The following PAQR9 variants were observed in gnomAD, a reference collection of about 807,000 sequenced individuals.
The protein encoded by PAQR9 is membrane progestin receptor epsilon.
PAQR9 carries 12 observed loss-of-function variants against 24.0 expected under a neutral mutation model. The observed-to-expected ratio is 0.50, with a 90% CI of 0.32 to 0.81. PAQR9 has a LOEUF of 0.81. Among genes scored for constraint, PAQR9 ranks in the 30% least tolerant of loss-of-function variants. PAQR9 has a pLI of 0.03. For synonymous variants in PAQR9, 266 were observed against 237.6 expected (o/e 1.12, Z -1.10); for missense variants, 418 against 520.8 (o/e 0.80, Z 1.92).
downstream of PAQR9, chr3:142,951,491 C>T (rs1420201293): frequency 2.8e-5 from 9 of 327,070 alleles, no homozygotes; most frequent in Admixed American, 4.4e-5. Flanking sequence ...CATTCCTGAT[C>T]ACCATCCTTT....
At chr3:142,950,282 G>A (rs1429509173), downstream of PAQR9, 2 of 155,648 alleles carry the variant, frequency 1.3e-5, no homozygotes, top group Non-Finnish European at 2.8e-5. Context: ...TGATGTACAG[G>A]GAACAAAAGA....
rs904436355 is a variant in PAQR9, at chr3:142,957,118, C to T, written c.*5085G>A. Among the ~76,000 whole-genome samples the T allele has an allele frequency of 3.3e-5, 5 of 152,118 alleles. No homozygotes were observed. The highest frequency in any genetic ancestry group is 7.4e-5 in the Non-Finnish European group (5 of 68,006). ...GTGCTATCCCGTAATGCCTTTTTGC[C>T]TCTGTCCTAATTTTATGGAAACAAA... is the stretch of plus-strand genomic sequence containing the variant. On this transcript the variant is annotated 3_prime_UTR_variant, in exon 1 of 1. Transcript: ENST00000340634.
rs1278725862 is a variant in PAQR9 at position 142,963,276 on chromosome 3, C to T, written c.61G>A (p.Ala21Thr). The change falls in exon 1 of 1, where the codon GCA becomes ACA. Residue 21 changes from alanine to threonine, a missense_variant. Physicochemically the swap from Ala to Thr is moderately conservative, Grantham distance 58 (BLOSUM62 0). This residue lies in a region of PAQR9 where 180 missense variants were observed against 190.3 expected (regional missense o/e 0.95). Coordinates refer to ENST00000340634, the MANE Select transcript of PAQR9 (RefSeq NM_198504.4). ...GTKGPPAPAP[A>T]ASGAARNSHS... ...GAGTTCCGGGCGGCCCCCGAAGCTG[C>T]CGGGGCCGGGGCCGGAGGGCCTTTT... 2 of 1,483,170 alleles carry T rather than the reference C, an allele frequency of 1.3e-6. No individual in the cohort carries two copies. The highest frequency in any genetic ancestry group is 1.8e-6 in the Non-Finnish European group (2 of 1,120,256). The allele number at this position is 1,483,170 out of a possible 1,614,324, so 91.9% of individuals were successfully genotyped here.
downstream of PAQR9, chr3:142,950,619 T>C: frequency 2.3e-6 from 1 of 429,526 alleles, no homozygotes; most frequent in Non-Finnish European, 4.6e-6. Context: ...AAATAATGTA[T>C]TGAAAGGCTA....
Position 142,955,887 on chromosome 3 carries a change from A to G in PAQR9, c.*6316T>C, listed in dbSNP as rs541084205. Among the ~76,000 whole-genome samples the G allele has an allele frequency of 1.9e-4, 29 of 152,186 alleles. No homozygotes were observed. The highest frequency in any genetic ancestry group is 1.9e-3 in the Admixed American group (29 of 15,284). ...GTGTTTTCTTCTTTTTTAAAAAATG[A>G]TTTGTATCCTTCTTTAAACTATACA... On this transcript the variant is annotated 3_prime_UTR_variant, in exon 1 of 1. Coordinates refer to ENST00000340634, the MANE Select transcript of PAQR9 (RefSeq NM_198504.4).
chr3:142,953,807 T>C (rs1414784211), downstream of PAQR9, among the ~76,000 whole-genome samples: 3 of 152,172 alleles, frequency 2.0e-5, no homozygotes, highest in East Asian at 1.9e-4. Flanking sequence ...GAGGAGTCCA[T>C]GTGACCTCAG....
At position 142,958,470 on chromosome 3, in the gene PAQR9, T is replaced by C. The variant is rs1388152025; in HGVS notation, c.*3733A>G. Reference sequence around the variant, plus strand: ...TTTGAAATGGAGATAACTCCCACCATACCTGTCTCCTATTATAGCTTTGTG... The same window carrying C: ...TTTGAAATGGAGATAACTCCCACCACACCTGTCTCCTATTATAGCTTTGTG... On this transcript the variant is annotated 3_prime_UTR_variant, in exon 1 of 1. Transcript: ENST00000340634. 1.3e-5 allele frequency among the ~76,000 whole-genome samples: 2 copies of C among 152,212 alleles called. No individual in the cohort carries two copies. The highest frequency in any genetic ancestry group is 2.9e-5 in the Non-Finnish European group (2 of 68,044).
downstream of PAQR9, among the ~76,000 whole-genome samples, chr3:142,952,047 AG>A (rs77953878): frequency 5.3e-3 from 543 of 103,400 alleles, 4 homozygotes; most frequent in African/African-American, 0.011. Context: ...GTGAAAAAGA[AG>A]GGGGGGGGGT....
chr3:142,963,718 A>G (rs1365787775), upstream of PAQR9: 10 of 785,088 alleles, frequency 1.3e-5, no homozygotes, highest in Non-Finnish European at 1.5e-5. Context: ...CCGCCCCCGG[A>G]GCGGGAGGTG....
chr3:142,959,869 T>C lies in PAQR9; in HGVS notation c.*2334A>G, dbSNP rs1934860208. ...GGTCCCATTTTACAAAGAAACTACATAATACGCTTCACCCTGTTTCTCTAG... is the reference window on the plus strand; with the variant it reads ...GGTCCCATTTTACAAAGAAACTACACAATACGCTTCACCCTGTTTCTCTAG... On this transcript the variant is annotated 3_prime_UTR_variant, in exon 1 of 1. Transcript: ENST00000340634. Among the ~76,000 whole-genome samples, 1 of 152,226 alleles carries C rather than the reference T, an allele frequency of 6.6e-6. No individual in the cohort carries two copies. Among genetic ancestry groups the C allele is most frequent in the Non-Finnish European group, 1.5e-5 (1 of 68,042 alleles).
chr3:142,963,735 T>G, upstream of PAQR9: 1 of 873,388 alleles, frequency 1.1e-6, no homozygotes, highest in Non-Finnish European at 1.4e-6. Context: ...GGTGGGGATG[T>G]GCGAGCCGAG....
In PAQR9 at chr3:142,963,558, G is replaced by T. The variant is rs1370110359; in HGVS notation, c.-222C>A. On this transcript the variant is annotated 5_prime_UTR_variant, in exon 1 of 1. Transcript: ENST00000340634. ...CAGCGCTGCGACCGCCAGGAGCGCG[G>T]AGCGCGCGAGGCTCAGCGGCTTCCT... 3.1e-6 allele frequency: 3 copies of T among 972,886 alleles called. No individual in the cohort carries two copies. The highest frequency in any genetic ancestry group is 3.7e-6 in the Non-Finnish European group (3 of 817,680). 60.3% of individuals were successfully genotyped at this position (972,886 alleles called of 1,614,324 possible).
chr3:142,960,852 G>A lies in PAQR9; in HGVS notation c.*1351C>T, dbSNP rs1326564449. On this transcript the variant is annotated 3_prime_UTR_variant, in exon 1 of 1. Coordinates refer to ENST00000340634, the MANE Select transcript of PAQR9 (RefSeq NM_198504.4). ...CAAATCAAACTTCAGCGTTTAACTA[G>A]GCAAGTGTAATCTTATTTAACTCAA... 6.6e-6 allele frequency: 1 copy of A among 152,192 alleles called. No homozygotes were observed. The highest frequency in any genetic ancestry group is 1.5e-5 in the Non-Finnish European group (1 of 68,038). 9.4% of individuals were successfully genotyped at this position (152,192 alleles called of 1,614,324 possible).
At chr3:142,953,130 T>C (rs1475226477), downstream of PAQR9, among the ~76,000 whole-genome samples, 1 of 152,160 alleles carries the variant, frequency 6.6e-6, no homozygotes, top group East Asian at 1.9e-4. Context: ...TGCCGTATAC[T>C]GGTGGCACAG....
chr3:142,958,398 T>C lies in PAQR9; in HGVS notation c.*3805A>G, dbSNP rs550794542. Among the ~76,000 whole-genome samples the C allele has an allele frequency of 4.5e-4, 69 of 152,358 alleles. No individual in the cohort carries two copies. The highest frequency in any genetic ancestry group is 1.4e-3 in the East Asian group (7 of 5,184). On this transcript the variant is annotated 3_prime_UTR_variant, in exon 1 of 1. Transcript: ENST00000340634. ...GCAGACAATGGTCTCCGCATTCTAA[T>C]GCCAGTTTGAAAACTTAATCCTGTC...
rs1322343790 is a variant in PAQR9, at chr3:142,957,315, ACT to A, written c.*4886_*4887del. Among the ~76,000 whole-genome samples the A allele has an allele frequency of 6.6e-6, 1 of 152,018 alleles. No individual in the cohort carries two copies. The highest frequency in any genetic ancestry group is 1.5e-5 in the Non-Finnish European group (1 of 67,986). ...TGCTTTTCTAAGGACAAAATTTAAA[ACT>A]CAGGCTGACTGCACAGTTGAACTTG... On this transcript the variant is annotated 3_prime_UTR_variant, in exon 1 of 1. Coordinates refer to ENST00000340634, the MANE Select transcript of PAQR9 (RefSeq NM_198504.4).
At position 142,959,995 on chromosome 3, in the gene PAQR9, G is replaced by A. The variant is rs1046623138; in HGVS notation, c.*2208C>T. 3.3e-5 allele frequency among the ~76,000 whole-genome samples: 5 copies of A among 152,272 alleles called. No homozygotes were observed. Among genetic ancestry groups the A allele is most frequent in the African/African-American group, 1.2e-4 (5 of 41,548 alleles). On this transcript the variant is annotated 3_prime_UTR_variant, in exon 1 of 1. Coordinates refer to ENST00000340634, the MANE Select transcript of PAQR9 (RefSeq NM_198504.4). ...CTGATTTCCACAGTTGTCCTTGAAT[G>A]CATCTATTGAATTAAGTTACAGCTG... is the stretch of plus-strand genomic sequence containing the variant.
chr3:142,963,707 G>C, upstream of PAQR9: 1 of 755,788 alleles, frequency 1.3e-6, no homozygotes, highest in Non-Finnish European at 1.6e-6. Context: ...CTCCGCCGCC[G>C]CCGCCCCCGG....
In PAQR9 at chr3:142,960,174, T is replaced by C. The variant is rs866213562; in HGVS notation, c.*2029A>G. The stretch of plus-strand genomic sequence containing the variant: ...AGATTCTAAATTAAATATAGACATA[T>C]ATAAATTTAACTTCTATGTGCAAAG... On this transcript the variant is annotated 3_prime_UTR_variant, in exon 1 of 1. Transcript: ENST00000340634. 6.6e-6 allele frequency among the ~76,000 whole-genome samples: 1 copy of C among 152,194 alleles called. No individual in the cohort carries two copies. The highest frequency in any genetic ancestry group is 1.5e-5 in the Non-Finnish European group (1 of 68,030).
Sources: allele counts gnomAD v4.1 joint callset (sites outside exome capture counted in the v4.1 genomes callset), GRCh38; gene constraint gnomAD v4.1.1; regional missense constraint gnomAD v4.1.1; transcripts MANE v1.5; gene names NCBI Gene and HGNC (gene_info 2026-07-23, HGNC 2026-07-21).